The following IL22RA1 variants were observed in gnomAD, a reference collection of about 807,000 sequenced individuals.
IL22RA1 encodes the protein interleukin-22 receptor subunit alpha-1.
In IL22RA1, 25 loss-of-function variants were observed where a neutral mutation model predicts 32.8. The observed-to-expected ratio is 0.76, with a 90% CI of 0.55 to 1.06. The LOEUF is 1.06. Ranked by LOEUF, IL22RA1 falls within the 50% of genes least tolerant of loss-of-function variation. The pLI, the probability that IL22RA1 is intolerant of heterozygous loss-of-function variation, is 0.00. For missense variants in IL22RA1, 709 were observed against 727.4 expected (o/e 0.97, Z 0.29); for synonymous variants, 305 against 305.0 (o/e 1.00, Z 0.00).
intron 4 of IL22RA1, 120 bp downstream of exon 4, chr1:24,134,091 T>G: frequency 1.3e-6 from 1 of 745,002 alleles, no homozygotes; most frequent in Non-Finnish European, 2.1e-6. Context: ...TCAAGGGACA[T>G]GTTTTGGGAA....
At chr1:24,139,813 C>A (rs1054316949) in intron 1 of IL22RA1, among the ~76,000 whole-genome samples, 2 of 152,234 alleles carry the variant, frequency 1.3e-5, no homozygotes, top group African/African-American at 4.8e-5. Flanking sequence ...TTCTCCACAT[C>A]GCCATTGATG....
At chr1:24,132,395 G>A (rs1457269980) in intron 4 of IL22RA1, among the ~76,000 whole-genome samples, 1 of 149,212 alleles carries the variant, frequency 6.7e-6, no homozygotes, top group Non-Finnish European at 1.5e-5. Flanking sequence ...GCAGTGGCGC[G>A]ATCTTGGCCC....
At chr1:24,134,017 G>C (rs1644224840) in intron 4 of IL22RA1, among the ~76,000 whole-genome samples, 194 bp downstream of exon 4, 1 of 152,204 alleles carries the variant, frequency 6.6e-6, no homozygotes, top group Admixed American at 6.5e-5. Flanking sequence ...GCATGCTATT[G>C]TGTGTGTGAA....
intron 3 of IL22RA1, chr1:24,134,856 T>C (rs1644231833): frequency 1.0e-6 from 1 of 984,546 alleles, no homozygotes; most frequent in Non-Finnish European, 1.2e-6. Flanking sequence ...TCTCTCAAGA[T>C]GGAATTTTCC....
chr1:24,121,594 G>A lies in IL22RA1; in HGVS notation c.936C>T (p.Pro312=), dbSNP rs17852648. ...SQIRVSGPRE[P]AGAPQRHSLS... ...GGCTATGCCGCTGTGGAGCTCCTGC[G>A]GGCTCCCTGGGTCCAGACACCCTGA... The change falls in exon 7 of 7, where the codon CCC becomes CCT. Residue 312 remains proline, a synonymous_variant. Coordinates refer to ENST00000270800, the MANE Select transcript of IL22RA1 (RefSeq NM_021258.4). The A allele has an allele frequency of 0.29, 471,815 of 1,612,038 alleles. 72,263 individuals carry two copies. Among genetic ancestry groups the A allele is most frequent in the Non-Finnish European group, 0.31 (361,831 of 1,178,666 alleles).
At chr1:24,127,553 T>A (rs779331929) in intron 5 of IL22RA1, among the ~76,000 whole-genome samples, 5 of 152,178 alleles carry the variant, frequency 3.3e-5, no homozygotes, top group Admixed American at 6.5e-5. Flanking sequence ...GCTCAAGTGA[T>A]CCTCCTGCCT....
At chr1:24,127,798 G>T (rs776455822) in intron 5 of IL22RA1, among the ~76,000 whole-genome samples, 1 of 152,132 alleles carries the variant, frequency 6.6e-6, no homozygotes, top group Non-Finnish European at 1.5e-5. Context: ...AAGATATTGA[G>T]GGATCTTTTT....
intron 4 of IL22RA1, among the ~76,000 whole-genome samples, chr1:24,128,530 C>CACTATATAATGTGGTTATATACATAT (rs149743170): frequency 6.8e-6 from 1 of 147,728 alleles, no homozygotes; most frequent in Non-Finnish European, 1.5e-5. Flanking sequence ...TGGTTATATA[C>CACTATATAATGTGGTTATATACATAT]ATATATATAT....
At chr1:24,138,477 C>A in intron 2 of IL22RA1, 105 bp downstream of exon 2, 1 of 1,259,070 alleles carries the variant, frequency 7.9e-7, no homozygotes, top group Non-Finnish European at 1.1e-6. Context: ...CTATGTGACA[C>A]CAGTCCTGGT....
In IL22RA1 at chr1:24,120,713, G is replaced by T; in HGVS notation, c.*92C>A. On this transcript the variant is annotated 3_prime_UTR_variant, in exon 7 of 7. Coordinates refer to ENST00000270800, the MANE Select transcript of IL22RA1 (RefSeq NM_021258.4). ...GGCACCCGTCTGAGGCCAGATCGCA[G>T]AGTGTGTGGCGTGGGCAGGCATGGG... is the stretch of plus-strand genomic sequence containing the variant. 1 of 1,239,386 alleles carries T rather than the reference G, an allele frequency of 8.1e-7. No individual in the cohort carries two copies. Among genetic ancestry groups the T allele is most frequent in the Non-Finnish European group, 1.1e-6 (1 of 882,574 alleles). 76.8% of individuals were successfully genotyped at this position (1,239,386 alleles called of 1,614,324 possible).
chr1:24,141,227 T>A (rs1359039189), intron 1 of IL22RA1, among the ~76,000 whole-genome samples: 1 of 152,116 alleles, frequency 6.6e-6, no homozygotes, highest in Non-Finnish European at 1.5e-5. Flanking sequence ...GACATCTTGT[T>A]TGGATGTGAG....
chr1:24,134,523 G>A lies in IL22RA1; in HGVS notation c.356-137C>T, dbSNP rs182757117. On this transcript the variant is annotated intron_variant, in intron 3 of 6. Coordinates refer to ENST00000270800, the MANE Select transcript of IL22RA1 (RefSeq NM_021258.4). ...TGCCAGCTATGCTTCTGAAAGCAAC[G>A]GCTAAACAAACAGTGAAAAGAGAAA... 1.4e-4 allele frequency: 84 copies of A among 592,102 alleles called. No individual in the cohort carries two copies. In the East Asian group the frequency reaches 2.4e-3, roughly 17 times the overall value. The allele number at this position is 592,102 out of a possible 1,614,324, so 36.7% of individuals were successfully genotyped here. A position where few individuals can be genotyped will look rare whatever the true frequency, so the allele number is the denominator to read the frequency against.
chr1:24,140,448 G>A (rs1026981295), intron 1 of IL22RA1, among the ~76,000 whole-genome samples: 1 of 152,168 alleles, frequency 6.6e-6, no homozygotes, highest in Non-Finnish European at 1.5e-5. Context: ...GGGGCTTCAG[G>A]GACCTGAGCA....
At chr1:24,140,212 G>A (rs1303443202) in intron 1 of IL22RA1, among the ~76,000 whole-genome samples, 2 of 152,222 alleles carry the variant, frequency 1.3e-5, no homozygotes, top group African/African-American at 4.8e-5. Context: ...GGCTCAGAGA[G>A]AGCTGCCGCC....
At chr1:24,139,913 A>G (rs1295837784) in intron 1 of IL22RA1, among the ~76,000 whole-genome samples, 1 of 152,208 alleles carries the variant, frequency 6.6e-6, no homozygotes, top group Non-Finnish European at 1.5e-5. Context: ...AGTGTGTAAG[A>G]AGTGACTTGC....
At chr1:24,122,173 C>T (rs1304558957) in intron 6 of IL22RA1, among the ~76,000 whole-genome samples, 1 of 152,116 alleles carries the variant, frequency 6.6e-6, no homozygotes, top group Non-Finnish European at 1.5e-5. Context: ...AATGCTTCAT[C>T]TGGACTTGCA....
At chr1:24,138,361 G>A (rs1644257402) in intron 2 of IL22RA1, among the ~76,000 whole-genome samples, 2 of 152,180 alleles carry the variant, frequency 1.3e-5, no homozygotes. Flanking sequence ...GGCGAGAGCG[G>A]CATTTAAGCC....
intron 6 of IL22RA1, 110 bp from the exon 7 acceptor site, chr1:24,121,847 T>A: frequency 1.3e-6 from 1 of 783,228 alleles, no homozygotes; most frequent in East Asian, 3.0e-5. Flanking sequence ...TGGGGGCTTT[T>A]TCAAGATGCG....
At chr1:24,134,950 T>G (rs1644232487) in intron 3 of IL22RA1, 1 of 402,748 alleles carries the variant, frequency 2.5e-6, no homozygotes, top group Non-Finnish European at 3.4e-6. Flanking sequence ...CCAAAATGTA[T>G]ATATACAAAA....
Sources: allele counts gnomAD v4.1 joint callset (sites outside exome capture counted in the v4.1 genomes callset), GRCh38; gene constraint gnomAD v4.1.1; transcripts MANE v1.5; gene names NCBI Gene and HGNC (gene_info 2026-07-23, HGNC 2026-07-21).